ACIN1: variants seen among roughly 807,000 people sequenced by gnomAD.
ACIN1 encodes apoptotic chromatin condensation inducer 1, also known as apoptotic chromatin condensation inducer in the nucleus.
A neutral mutation model predicts 146.6 loss-of-function variants in ACIN1; 16 were observed. The observed-to-expected ratio is 0.11, with a 90% confidence interval of 0.07 to 0.17. The LOEUF (loss-of-function observed/expected upper bound fraction) is 0.17. Among genes scored for constraint, ACIN1 ranks in the 10% least tolerant of loss-of-function variants. ACIN1 has a pLI of 1.00. For missense variants in ACIN1, 1,357 were observed against 1,609.3 expected (o/e 0.84, Z 2.68); for synonymous variants, 569 against 582.7 (o/e 0.98, Z 0.34).
In ACIN1 at chr14:23,080,324, A is replaced by C. The variant is rs754109365; in HGVS notation, c.1011T>G (p.Asp337Glu). The C allele has an allele frequency of 6.2e-7, 1 of 1,614,128 alleles. No individual in the cohort carries two copies. The change falls in exon 6 of 19, where the codon GAT (aspartate) becomes GAG (glutamate). Residue 337 changes from aspartate (D) to glutamate (E), a missense_variant. Physicochemically the swap from Asp to Glu is conservative, Grantham distance 45. This residue lies in a region of ACIN1 where 771 missense variants were observed against 746.6 expected (regional missense o/e 1.03). Coordinates refer to ENST00000605057, the MANE Select transcript of ACIN1 (RefSeq NM_001386863.1). The stretch of plus-strand genomic sequence containing the variant: ...GCGCTACAAGTGAGGCCTTCTTTCG[A>C]TCTTCAGTCAGTCGAGGAGGGGAAG... ...KSPSPPRLTE[D>E]RKKASLVALP...
Position 23,080,724 on chromosome 14 carries a change from C to G in ACIN1, c.611G>C (p.Arg204Thr). The change falls in exon 6 of 19, where the codon AGA (arginine) becomes ACA (threonine). Residue 204 changes from arginine (R) to threonine (T), a missense_variant. This residue lies in a region of ACIN1 where 771 missense variants were observed against 746.6 expected (regional missense o/e 1.03). Coordinates refer to ENST00000605057, the MANE Select transcript of ACIN1 (RefSeq NM_001386863.1). ...CTCTGTTTTCAAATTTCGATCTGCT[C>G]TGACCCTTAGGTTTCTGGAAGGTGT... Reference protein sequence around the residue: ...QETPSRNLRVRADRNLKTEEE... With the variant: ...QETPSRNLRVTADRNLKTEEE... 1 of 1,614,016 alleles carries G rather than the reference C, an allele frequency of 6.2e-7. No individual in the cohort carries two copies. The highest frequency in any genetic ancestry group is 8.5e-7 in the Non-Finnish European group (1 of 1,180,012).
At chr14:23,082,085 T>C (rs2047957703) in intron 4 of ACIN1, among the ~76,000 whole-genome samples, 1 of 152,212 alleles carries the variant, frequency 6.6e-6, no homozygotes, top group Non-Finnish European at 1.5e-5. Flanking sequence ...AATTCACATG[T>C]TATAAATAAC....
chr14:23,070,765 C>G (rs1009420104), intron 8 of ACIN1, among the ~76,000 whole-genome samples: 1 of 142,152 alleles, frequency 7.0e-6, no homozygotes, highest in Non-Finnish European at 1.6e-5. Flanking sequence ...AACAGGCTGA[C>G]TGACTGACAC....
chr14:23,079,450 T>C (rs2047885328), intron 6 of ACIN1, 97 bp downstream of exon 6: 3 of 1,532,988 alleles, frequency 2.0e-6, no homozygotes, highest in Non-Finnish European at 2.6e-6. Context: ...GCTTTTCCTA[T>C]TCCTTTCAGA....
chr14:23,069,424 C>T, intron 9 of ACIN1, 52 bp downstream of exon 9: 1 of 1,589,364 alleles, frequency 6.3e-7, no homozygotes, highest in Non-Finnish European at 8.6e-7. Context: ...TCTACTCTTT[C>T]CCCTAGGTCC....
In ACIN1 at chr14:23,081,851, A is replaced by T. The variant is rs2047951381; in HGVS notation, c.437-15T>A. On this transcript the variant is annotated splice_polypyrimidine_tract_variant and intron_variant, in intron 4 of 18. Transcript: ENST00000605057. ...GGAGCTTTTTCCTATTGAATGAAAA[A>T]GAATCAAGTCAGATTCATGAAGTGA... 6.3e-7 allele frequency: 1 copy of T among 1,597,010 alleles called. No individual in the cohort carries two copies. The highest frequency in any genetic ancestry group is 1.3e-5 in the African/African-American group (1 of 74,148).
intron 10 of ACIN1, among the ~76,000 whole-genome samples, chr14:23,064,979 G>A (rs575219278): frequency 6.6e-6 from 1 of 152,160 alleles, no homozygotes; most frequent in Non-Finnish European, 1.5e-5. Context: ...AAAGCAGTAA[G>A]GGAGGGGTAG....
In ACIN1 at chr14:23,080,594, C is replaced by G. The variant is rs1416831041; in HGVS notation, c.741G>C (p.Lys247Asn). The change falls in exon 6 of 19, where the codon AAG (lysine) becomes AAC (asparagine). Residue 247 changes from lysine (K) to asparagine (N), a missense_variant. Coordinates refer to ENST00000605057, the MANE Select transcript of ACIN1 (RefSeq NM_001386863.1). ...CTCTAGGTATCTCTTCCCCTTCTTC[C>G]TTAAACTCTTTCAGGATTGGTGCCT... ...SREAPILKEF[K>N]EEGEEIPRVK... is the part of the protein sequence containing the mutation. The G allele has an allele frequency of 2.5e-6, 4 of 1,614,092 alleles. No homozygotes were observed. Among genetic ancestry groups the G allele is most frequent in the Non-Finnish European group, 2.5e-6 (3 of 1,180,006 alleles).
chr14:23,088,171 T>C (rs921662020), intron 4 of ACIN1, among the ~76,000 whole-genome samples: 1 of 152,204 alleles, frequency 6.6e-6, no homozygotes, highest in African/African-American at 2.4e-5. Context: ...TTTTGTTTTA[T>C]GTGAGAAGAA....
At position 23,062,154 on chromosome 14, in the gene ACIN1, C is replaced by T. The variant is rs778678741; in HGVS notation, c.3099+14G>A. On this transcript the variant is annotated intron_variant, in intron 16 of 18. Coordinates refer to ENST00000605057, the MANE Select transcript of ACIN1 (RefSeq NM_001386863.1). ...CCCTGCCCCTCCTCTCTTTCCTCTC[C>T]CTAGGTTTCTTACCTCATCTTGCTC... 6.2e-7 allele frequency: 1 copy of T among 1,610,288 alleles called. No homozygotes were observed. Among genetic ancestry groups the T allele is most frequent in the East Asian group, 2.2e-5 (1 of 44,848 alleles).
chr14:23,081,886 C>A, intron 4 of ACIN1, 50 bp from the exon 5 acceptor site: 1 of 1,465,440 alleles, frequency 6.8e-7, no homozygotes, highest in Non-Finnish European at 9.4e-7. Context: ...AAGACTCATT[C>A]ATGGCTTTTT....
At position 23,067,871 on chromosome 14, in the gene ACIN1, T is replaced by C. The variant is rs1006950935; in HGVS notation, c.2265+1605A>G. On this transcript the variant is annotated intron_variant, in intron 9 of 18. Coordinates refer to ENST00000605057, the MANE Select transcript of ACIN1 (RefSeq NM_001386863.1). This position sits in a 1 kb window ranked among gnomAD's most constrained non-coding sequence, Gnocchi z 4.6. ...GCCTCTGATGAAGGTAGCCTGGGGG[T>C]AGGTGAATACCCCAGGACCTGGCAG... The C allele has an allele frequency of 2.0e-6, 2 of 985,372 alleles. No homozygotes were observed. The highest frequency in any genetic ancestry group is 1.8e-5 in the African/African-American group (1 of 57,066). 61.0% of individuals were successfully genotyped at this position (985,372 alleles called of 1,614,324 possible). A position where few individuals can be genotyped will look rare whatever the true frequency, so the allele number is the denominator to read the frequency against.
chr14:23,094,949 A>G, intron 1 of ACIN1, 26 bp downstream of exon 1: 4 of 1,563,556 alleles, frequency 2.6e-6, no homozygotes, highest in Non-Finnish European at 3.5e-6. Flanking sequence ...CTCTCCTCCG[A>G]CACCCCAGCA....
rs1455674082 is a variant in ACIN1, at chr14:23,062,223, T to C, written c.3044A>G (p.Lys1015Arg). Residue 1015 changes from lysine to arginine, a missense_variant, in exon 16 of 19, where the codon AAA becomes AGA. By Grantham distance (26) the Lys-to-Arg change is conservative. Coordinates refer to ENST00000605057, the MANE Select transcript of ACIN1 (RefSeq NM_001386863.1). Reference sequence around the variant, plus strand: ...GAATTTGGGATTGGACTGGGGCCATTTGACCCCGTGCAGAGCTGTGCGGGT... The same window carrying C: ...GAATTTGGGATTGGACTGGGGCCATCTGACCCCGTGCAGAGCTGTGCGGGT... ...VATRTALHGV[K>R]WPQSNPKFLC... The C allele has an allele frequency of 6.2e-6, 10 of 1,613,962 alleles. No individual in the cohort carries two copies. The highest frequency in any genetic ancestry group is 2.2e-5 in the East Asian group (1 of 44,896).
At position 23,063,590 on chromosome 14, in the gene ACIN1, C is replaced by CA. The variant is rs772851889; in HGVS notation, c.2596-14dup. On this transcript the variant is annotated splice_polypyrimidine_tract_variant and intron_variant, in intron 12 of 18. Transcript: ENST00000605057. ...CTGCAGGTACTACCTATCAAGGTGT[C>CA]AGAGAACACAGCAGGTCTGTTAAAC... 58 of 1,613,834 alleles carry CA rather than the reference C, an allele frequency of 3.6e-5. No homozygotes were observed. Among genetic ancestry groups the CA allele is most frequent in the African/African-American group, 6.7e-5 (5 of 74,902 alleles).
rs754216288 is a variant in ACIN1 at position 23,078,821 on chromosome 14, C to A, written c.2006G>T (p.Arg669Leu). The change falls in exon 7 of 19, where the codon CGG (arginine) becomes CTG (leucine). Residue 669 changes from arginine (R) to leucine (L), a missense_variant and splice_region_variant. Physicochemically the swap from Arg to Leu is moderately radical, Grantham distance 102. Coordinates refer to ENST00000605057, the MANE Select transcript of ACIN1 (RefSeq NM_001386863.1). ...KHVTQRLQPE[R>L]GSPKKCEAEE... is the part of the protein sequence containing the mutation. ...TAGGGAGGGGTCACAATAGCCTACC[C>A]GCTCAGGCTGTAACCTCTGGGTCAC... The A allele has an allele frequency of 3.7e-6, 6 of 1,611,946 alleles. No homozygotes were observed. The highest frequency in any genetic ancestry group is 5.1e-6 in the Non-Finnish European group (6 of 1,179,798).
Position 23,067,945 on chromosome 14 carries a change from G to C in ACIN1, c.2265+1531C>G. ...ACTTCTCTTCGGAGAGTTGTGGCTGGCATCTCCTCAGGGACTCCAGCTGAG... is the reference window on the plus strand; with the variant it reads ...ACTTCTCTTCGGAGAGTTGTGGCTGCCATCTCCTCAGGGACTCCAGCTGAG... On this transcript the variant is annotated intron_variant, in intron 9 of 18. Coordinates refer to ENST00000605057, the MANE Select transcript of ACIN1 (RefSeq NM_001386863.1). The surrounding 1 kb of genome is among the most constrained non-coding windows in gnomAD (Gnocchi z 4.6). 1.0e-6 allele frequency: 1 copy of C among 985,838 alleles called. No homozygotes were observed. Among genetic ancestry groups the C allele is most frequent in the Non-Finnish European group, 1.2e-6 (1 of 829,938 alleles). The allele number at this position is 985,838 out of a possible 1,614,324, so 61.1% of individuals were successfully genotyped here.
intron 4 of ACIN1, 101 bp from the exon 5 acceptor site, chr14:23,081,937 G>A (rs2047953837): frequency 1.2e-6 from 1 of 864,508 alleles, no homozygotes; most frequent in Non-Finnish European, 1.8e-6. Flanking sequence ...TATAGCATAT[G>A]AGCCTATCAA....
chr14:23,091,919 C>T (rs1169665474), intron 2 of ACIN1, among the ~76,000 whole-genome samples: 6 of 152,134 alleles, frequency 3.9e-5, no homozygotes, highest in Non-Finnish European at 1.5e-5. Flanking sequence ...CCACAATGCC[C>T]GGCCTCATAT....
Sources: gnomAD v4.1 joint callset for allele counts (sites outside exome capture counted in the v4.1 genomes callset) on GRCh38, gnomAD v4.1.1 for gene constraint, gnomAD v4.1.1 regional missense constraint, Gnocchi (gnomAD v3.1) non-coding constraint, MANE v1.5 for transcripts, NCBI Gene and HGNC (gene_info 2026-07-23, HGNC 2026-07-21) for gene names.